The following ACAD10 variants were observed in gnomAD, a reference collection of about 807,000 sequenced individuals.
The protein encoded by ACAD10 is ACAD-10.
Under a neutral mutation model 116.8 loss-of-function variants are expected in ACAD10, and 112 were observed. The ratio of observed to expected loss-of-function variants is 0.96; its 90% confidence interval spans 0.82 to 1.12. The LOEUF is 1.12. ACAD10 is among the 50% of genes most tolerant of loss of function. The probability of loss-of-function intolerance (pLI) is 0.00; values close to 1 mark genes in which losing one functional copy is unlikely to be tolerated. For missense variants in ACAD10, 1,259 were observed against 1,350.2 expected (o/e 0.93, Z 1.06); for synonymous variants, 486 against 510.6 (o/e 0.95, Z 0.65).
At chr12:111,745,835 CTTTTTTTTTTT>C (rs532150491) in intron 13 of ACAD10, among the ~76,000 whole-genome samples, 2 of 104,766 alleles carry the variant, frequency 1.9e-5, no homozygotes, top group African/African-American at 7.4e-5. Context: ...CCATCTCTCT[CTTTTTTTTTTT>C]TTTTTTTTTT....
intron 16 of ACAD10, chr12:111,747,797 C>G: frequency 9.9e-7 from 1 of 1,013,400 alleles, no homozygotes; most frequent in Non-Finnish European, 1.2e-6. Context: ...TTGCAGGGCC[C>G]CTACAAGTAG....
At chr12:111,732,701 G>A (rs185532618) in intron 10 of ACAD10, among the ~76,000 whole-genome samples, 1 of 152,330 alleles carries the variant, frequency 6.6e-6, no homozygotes, top group Non-Finnish European at 1.5e-5. Context: ...TCTGGGGAGA[G>A]TTCAATATAG....
intron 1 of ACAD10, among the ~76,000 whole-genome samples, chr12:111,687,876 T>TTTA (rs1366507697): frequency 6.6e-6 from 1 of 152,044 alleles, no homozygotes; most frequent in Non-Finnish European, 1.5e-5. Context: ...CCTTTTTTTT[T>TTTA]TTTTGTATTT....
intron 19 of ACAD10, 54 bp downstream of exon 19, chr12:111,753,969 C>T (rs1194298094): frequency 1.3e-6 from 2 of 1,536,996 alleles, no homozygotes; most frequent in African/African-American, 2.7e-5. Context: ...TTCCTCCTCA[C>T]TCAGCAAAGC....
At chr12:111,735,819 T>C (rs1402644412) in intron 11 of ACAD10, among the ~76,000 whole-genome samples, 1 of 151,786 alleles carries the variant, frequency 6.6e-6, no homozygotes, top group African/African-American at 2.4e-5. Flanking sequence ...TTTATTTTTA[T>C]ATTTATTTAT....
At position 111,744,885 on chromosome 12, in the gene ACAD10, G is replaced by C; in HGVS notation, c.1957G>C (p.Val653Leu). ...SPAHTSRGGL[V>L]ISPESLSPPV... Reference sequence around the variant, plus strand: ...AGCTCATACCTCAAGGGGAGGTCTGGTTATCTCTCCAGAGAGCCTCTCTCC... The same window carrying C: ...AGCTCATACCTCAAGGGGAGGTCTGCTTATCTCTCCAGAGAGCCTCTCTCC... Residue 653 changes from valine to leucine, a missense_variant, in exon 13 of 21, where the codon GTT (valine) becomes CTT (leucine). Val to Leu is a conservative substitution (Grantham distance 32, BLOSUM62 1). Coordinates refer to ENST00000313698, the MANE Select transcript of ACAD10 (RefSeq NM_025247.6). 1 of 1,614,210 alleles carries C rather than the reference G, an allele frequency of 6.2e-7. No individual in the cohort carries two copies. Among genetic ancestry groups the C allele is most frequent in the South Asian group, 1.1e-5 (1 of 91,084 alleles).
Position 111,733,993 on chromosome 12 carries a change from T to C in ACAD10, c.1465T>C (p.Leu489=), listed in dbSNP as rs1467247383. ...LAVLDWELST[L]GDPLADVAYS... is the part of the protein sequence containing the mutation. ...TGTCCTTGACTGGGAACTTTCTACC[T>C]TGGGCGACCCCCTTGCTGATGTGGC... The change falls in exon 11 of 21, where the codon TTG becomes CTG. Residue 489 remains leucine, a synonymous_variant. Transcript: ENST00000313698. The C allele has an allele frequency of 6.2e-7, 1 of 1,614,120 alleles. No homozygotes were observed. The highest frequency in any genetic ancestry group is 8.5e-7 in the Non-Finnish European group (1 of 1,180,048).
At chr12:111,727,307 G>A (rs917389075) in intron 8 of ACAD10, among the ~76,000 whole-genome samples, 6 of 151,946 alleles carry the variant, frequency 3.9e-5, no homozygotes, top group East Asian at 1.9e-4. Flanking sequence ...GGTGGATCAC[G>A]AGGTCAGGAG....
intron 13 of ACAD10, 160 bp downstream of exon 13, chr12:111,745,203 C>A: frequency 2.5e-6 from 2 of 815,798 alleles, no homozygotes; most frequent in African/African-American, 1.7e-5. Flanking sequence ...CTCTTCATGA[C>A]TCAGTTTCCA....
At chr12:111,736,028 T>A (rs1226508712) in intron 11 of ACAD10, among the ~76,000 whole-genome samples, 1 of 151,506 alleles carries the variant, frequency 6.6e-6, no homozygotes, top group Non-Finnish European at 1.5e-5. Context: ...TACAGGCGTG[T>A]GCCACAATGT....
At chr12:111,727,431 G>A (rs1290055988) in intron 8 of ACAD10, among the ~76,000 whole-genome samples, 1 of 151,772 alleles carries the variant, frequency 6.6e-6, no homozygotes, top group African/African-American at 2.4e-5. Flanking sequence ...GGCTGAGGCA[G>A]GAGAATGGTA....
intron 4 of ACAD10, among the ~76,000 whole-genome samples, chr12:111,706,762 T>C (rs61642948): frequency 7.6e-6 from 1 of 131,592 alleles, no homozygotes; most frequent in African/African-American, 2.8e-5. Flanking sequence ...ATTTATTTTT[T>C]TATATATATA....
At chr12:111,716,020 A>T in intron 7 of ACAD10, 58 bp downstream of exon 7, 4 of 1,594,774 alleles carry the variant, frequency 2.5e-6, no homozygotes, top group Non-Finnish European at 3.4e-6. Flanking sequence ...GCACAAGCTC[A>T]GCCCTAAACT....
At chr12:111,743,627 G>A (rs1320953184) in intron 12 of ACAD10, among the ~76,000 whole-genome samples, 1 of 151,354 alleles carries the variant, frequency 6.6e-6, no homozygotes, top group South Asian at 2.1e-4. Flanking sequence ...GAGCCATTGC[G>A]CCTGGCCGAA....
chr12:111,728,370 CT>C (rs952412040), intron 9 of ACAD10, among the ~76,000 whole-genome samples: 12 of 149,796 alleles, frequency 8.0e-5, no homozygotes, highest in Middle Eastern at 3.4e-3. Flanking sequence ...TTCCCTGCAA[CT>C]TTTTTTTTTC....
rs1340184694 is a variant in ACAD10, at chr12:111,709,085, GACATGT to G, written c.532-437_532-432del. 6.6e-5 allele frequency among the ~76,000 whole-genome samples: 10 copies of G among 150,864 alleles called. No individual in the cohort carries two copies. In the South Asian group the frequency reaches 8.4e-4, roughly 13 times the overall value. ...ATGGCGAAATGCTTTCCGTCAAACT[GACATGT>G]ACAGCTTTTCTTCTGCTCTGTTTAG... On this transcript the variant is annotated intron_variant, in intron 4 of 20. Coordinates refer to ENST00000313698, the MANE Select transcript of ACAD10 (RefSeq NM_025247.6).
At chr12:111,737,057 C>G (rs1393660995) in intron 12 of ACAD10, 53 bp downstream of exon 12, 1 of 1,575,510 alleles carries the variant, frequency 6.3e-7, no homozygotes, top group East Asian at 2.3e-5. Flanking sequence ...ACAGCAAGGA[C>G]CGTGCCTCCA....
At chr12:111,748,628 T>C (rs1308612019) in intron 17 of ACAD10, 153 bp downstream of exon 17, 2 of 810,752 alleles carry the variant, frequency 2.5e-6, no homozygotes, top group Admixed American at 5.6e-5. Flanking sequence ...TTCATTTCCA[T>C]ACATGAATAT....
intron 16 of ACAD10, 132 bp from the exon 17 acceptor site, chr12:111,748,185 T>G: frequency 8.7e-7 from 1 of 1,147,110 alleles, no homozygotes; most frequent in Non-Finnish European, 1.2e-6. Flanking sequence ...CAGATGCTCA[T>G]CTGATTACAT....
Sources: gnomAD v4.1 joint callset for allele counts (sites outside exome capture counted in the v4.1 genomes callset) on GRCh38, gnomAD v4.1.1 for gene constraint, MANE v1.5 for transcripts, NCBI Gene and HGNC (gene_info 2026-07-23, HGNC 2026-07-21) for gene names.